Variants in IL1RAPL2 observed in about 807,000 individuals in gnomAD.
The protein encoded by IL1RAPL2 is interleukin 1 receptor accessory protein like 2, also known as X-linked interleukin-1 receptor accessory protein-like 2.
Under a neutral mutation model 44.1 loss-of-function variants are expected in IL1RAPL2, and 3 were observed. The observed-to-expected ratio is 0.07, with a 90% CI of 0.03 to 0.18. The LOEUF is 0.18. IL1RAPL2 is among the 10% of genes least tolerant of loss of function. The pLI is 1.00. For synonymous variants in IL1RAPL2, 181 were observed against 178.8 expected (o/e 1.01, Z -0.10); for missense variants, 391 against 496.4 (o/e 0.79, Z 2.02).
intron 2 of IL1RAPL2, among the ~76,000 whole-genome samples, chrX:105,138,642 C>A (rs754622063): frequency 3.6e-5 from 4 of 111,098 alleles, no homozygotes; most frequent in Non-Finnish European, 5.7e-5. Flanking sequence ...CTATGTAATT[C>A]CACTGTTATG....
chrX:105,426,446 A>G (rs1418467770), intron 5 of IL1RAPL2, among the ~76,000 whole-genome samples: 1 of 111,064 alleles, frequency 9.0e-6, no homozygotes, highest in African/African-American at 3.3e-5. Flanking sequence ...TCTCATTATA[A>G]AGGCACCTAC....
At chrX:104,721,448 A>G (rs1169135343) in intron 2 of IL1RAPL2, among the ~76,000 whole-genome samples, 1 of 110,628 alleles carries the variant, frequency 9.0e-6, no homozygotes, top group African/African-American at 3.3e-5. Context: ...CAGACACCAC[A>G]TGTTCTCACT....
intron 2 of IL1RAPL2, among the ~76,000 whole-genome samples, chrX:104,844,764 A>G (rs762848568): frequency 7.6e-4 from 85 of 111,896 alleles, no homozygotes; most frequent in African/African-American, 2.7e-3. Flanking sequence ...TTTCCAAATG[A>G]AATGTCTCAG....
intron 2 of IL1RAPL2, among the ~76,000 whole-genome samples, chrX:104,963,934 T>TGTGAGA (rs1385054963): frequency 3.0e-4 from 31 of 102,692 alleles, no homozygotes; most frequent in African/African-American, 9.0e-4. Context: ...TGTGTGTGTG[T>TGTGAGA]GAGAGAGAGA....
chrX:105,359,109 T>C (rs1432608960), intron 5 of IL1RAPL2, among the ~76,000 whole-genome samples: 1 of 112,132 alleles, frequency 8.9e-6, no homozygotes, highest in Non-Finnish European at 1.9e-5. Context: ...CAATTCCCAT[T>C]GTTGTGGCTC....
intron 6 of IL1RAPL2, among the ~76,000 whole-genome samples, chrX:105,528,527 T>C (rs1018044903): frequency 2.1e-4 from 24 of 111,805 alleles, no homozygotes; most frequent in Admixed American, 3.8e-4. Context: ...TGGAAAAATT[T>C]TAAACCCACA....
rs113029904 is a variant in IL1RAPL2, at chrX:105,470,829, G to A, written c.698-13484G>A. 2.1e-3 allele frequency among the ~76,000 whole-genome samples: 234 copies of A among 111,605 alleles called. 2 individuals are homozygous for A. Among genetic ancestry groups the A allele is most frequent in the African/African-American group, 7.0e-3 (216 of 30,763 alleles). On this transcript the variant is annotated intron_variant, in intron 5 of 10. Transcript: ENST00000372582. ...TGATAGCACGTGGTATTGCAGAATCGAATTTTTGAAGTGAGTGAGTCTTGC... is the reference window on the plus strand; with the variant it reads ...TGATAGCACGTGGTATTGCAGAATCAAATTTTTGAAGTGAGTGAGTCTTGC...
At chrX:104,626,493 A>C (rs1426550866) in intron 1 of IL1RAPL2, among the ~76,000 whole-genome samples, 1 of 111,184 alleles carries the variant, frequency 9.0e-6, no homozygotes, top group Non-Finnish European at 1.9e-5. Flanking sequence ...GGGATTAATA[A>C]TTCCTTATAA....
At chrX:105,453,562 CT>C (rs1028467472) in intron 5 of IL1RAPL2, among the ~76,000 whole-genome samples, 4 of 112,001 alleles carry the variant, frequency 3.6e-5, no homozygotes, top group African/African-American at 6.5e-5. Context: ...ATCTGATAGA[CT>C]TTTTTTGCAA....
chrX:105,583,817 C>A (rs1476083988), intron 6 of IL1RAPL2, among the ~76,000 whole-genome samples: 2 of 111,784 alleles, frequency 1.8e-5, no homozygotes, highest in Non-Finnish European at 3.8e-5. Flanking sequence ...ACTAGTTTCT[C>A]AAGATGGAAG....
At chrX:104,687,534 A>G (rs1384557602) in intron 2 of IL1RAPL2, among the ~76,000 whole-genome samples, 1 of 111,686 alleles carries the variant, frequency 9.0e-6, no homozygotes. Context: ...CTGGAGATCA[A>G]ATTTCAACAT....
intron 6 of IL1RAPL2, among the ~76,000 whole-genome samples, chrX:105,648,393 G>A (rs1452922726): frequency 1.8e-5 from 2 of 111,470 alleles, no homozygotes; most frequent in Middle Eastern, 4.6e-3. Context: ...TTTTCTGCAG[G>A]TTGTCTCAGG....
chrX:105,533,642 G>A (rs1036412983), intron 6 of IL1RAPL2, among the ~76,000 whole-genome samples: 12 of 112,317 alleles, frequency 1.1e-4, no homozygotes, highest in African/African-American at 3.9e-4. Flanking sequence ...GACAACCACT[G>A]TTATGTTCTT....
At chrX:105,000,639 C>T (rs2030834682) in intron 2 of IL1RAPL2, among the ~76,000 whole-genome samples, 1 of 111,211 alleles carries the variant, frequency 9.0e-6, no homozygotes, top group Admixed American at 9.6e-5. Context: ...GACTAAAGTA[C>T]AAAATAAAAT....
intron 2 of IL1RAPL2, among the ~76,000 whole-genome samples, chrX:105,056,037 A>G (rs951969807): frequency 9.2e-6 from 1 of 108,726 alleles, no homozygotes; most frequent in African/African-American, 3.6e-5. Context: ...CAGAACAGAA[A>G]TTGCAAATAT....
At chrX:105,564,050 G>A (rs1244417820) in intron 6 of IL1RAPL2, among the ~76,000 whole-genome samples, 2 of 111,478 alleles carry the variant, frequency 1.8e-5, no homozygotes, top group Non-Finnish European at 3.8e-5. Flanking sequence ...CAGATTGTTT[G>A]GGTAGGGGTT....
intron 1 of IL1RAPL2, among the ~76,000 whole-genome samples, chrX:104,658,037 A>G (rs1434852263): frequency 8.9e-6 from 1 of 112,407 alleles, no homozygotes. Context: ...AACTAGTTCA[A>G]CCATTGTGGA....
At position 105,392,992 on chromosome X, in the gene IL1RAPL2, A is replaced by G. The variant is rs778255236; in HGVS notation, c.698-91321A>G. Among the ~76,000 whole-genome samples the G allele has an allele frequency of 2.7e-5, 3 of 112,730 alleles. No individual in the cohort carries two copies. The South Asian group carries it at 1.1e-3, about 41-fold the overall frequency. ...ATAATTAGAACTAATGTACTAGCGT[A>G]ATCAACCAATGAGTTCTTTCTGCCT... On this transcript the variant is annotated intron_variant, in intron 5 of 10. Transcript: ENST00000372582.
chrX:105,652,700 G>A (rs191153053), intron 6 of IL1RAPL2, among the ~76,000 whole-genome samples: 4 of 111,184 alleles, frequency 3.6e-5, no homozygotes, highest in African/African-American at 9.8e-5. Context: ...TTCTCTGAAC[G>A]GATAATACTT....
Sources: gnomAD v4.1 joint callset for allele counts (sites outside exome capture counted in the v4.1 genomes callset) on GRCh38, gnomAD v4.1.1 for gene constraint, MANE v1.5 for transcripts, NCBI Gene and HGNC (gene_info 2026-07-23, HGNC 2026-07-21) for gene names.